Variants in SPOCK1 observed in about 807,000 individuals in gnomAD.
SPOCK1 encodes the protein SPARC (osteonectin), cwcv and kazal like domains proteoglycan 1, also known as testican-1.
SPOCK1 carries 23 observed loss-of-function variants against 55.3 expected under a neutral mutation model. The ratio of observed to expected loss-of-function variants is 0.42; its 90% CI spans 0.30 to 0.59. The LOEUF is 0.59. Among genes scored for constraint, SPOCK1 ranks in the 20% least tolerant of loss-of-function variants. The pLI, the probability that SPOCK1 is intolerant of heterozygous loss-of-function variation, is 0.22. For missense variants in SPOCK1, 499 were observed against 552.5 expected (o/e 0.90, Z 0.97); for synonymous variants, 226 against 221.0 (o/e 1.02, Z -0.20).
intron 2 of SPOCK1, among the ~76,000 whole-genome samples, chr5:137,295,271 C>T (rs1388886979): frequency 1.3e-5 from 2 of 152,234 alleles, no homozygotes; most frequent in African/African-American, 2.4e-5. Context: ...AGTCACAAAT[C>T]GACATGCCTT....
chr5:137,211,490 T>C (rs1402941892), intron 3 of SPOCK1, among the ~76,000 whole-genome samples: 1 of 152,174 alleles, frequency 6.6e-6, no homozygotes, highest in Non-Finnish European at 1.5e-5. Flanking sequence ...ATACAGAATG[T>C]TTTGTTCTAC....
intron 3 of SPOCK1, among the ~76,000 whole-genome samples, chr5:137,236,652 G>C (rs1756186978): frequency 6.6e-6 from 1 of 152,136 alleles, no homozygotes; most frequent in Non-Finnish European, 1.5e-5. Context: ...GTAGACTGGG[G>C]CTATGGTCAT....
At chr5:137,402,151 A>G (rs963284280) in intron 2 of SPOCK1, among the ~76,000 whole-genome samples, 1 of 152,198 alleles carries the variant, frequency 6.6e-6, no homozygotes, top group African/African-American at 2.4e-5. Context: ...TTACAAGTGC[A>G]AACCTGTCGT....
chr5:137,434,041 C>G (rs1330049323), intron 2 of SPOCK1, among the ~76,000 whole-genome samples: 1 of 152,306 alleles, frequency 6.6e-6, no homozygotes, highest in East Asian at 1.9e-4. Flanking sequence ...TTATAACACA[C>G]AAGAAATCAT....
At chr5:137,069,333 A>C (rs1376895830) in intron 5 of SPOCK1, among the ~76,000 whole-genome samples, 1 of 152,222 alleles carries the variant, frequency 6.6e-6, no homozygotes, top group African/African-American at 2.4e-5. Flanking sequence ...CTTGATACAA[A>C]ACTTCCTCTT....
intron 3 of SPOCK1, among the ~76,000 whole-genome samples, chr5:137,157,444 A>G (rs1400953661): frequency 6.6e-6 from 1 of 152,130 alleles, no homozygotes; most frequent in East Asian, 1.9e-4. Flanking sequence ...TCCCCCTCCT[A>G]CTAGGTTGGA....
rs546048860 is a variant in SPOCK1 at position 137,031,470 on chromosome 5, T to C, written c.589+36245A>G. 9.4e-4 allele frequency among the ~76,000 whole-genome samples: 143 copies of C among 152,382 alleles called. 3 individuals carry two copies. In the South Asian group the frequency reaches 0.029, roughly 31 times the overall value. Reference sequence around the variant, plus strand: ...CCTAGCAGCTACTATATGTTTGTAATTCTAATTCTTCCCAAAGAGTTTTAA... The same window carrying C: ...CCTAGCAGCTACTATATGTTTGTAACTCTAATTCTTCCCAAAGAGTTTTAA... On this transcript the variant is annotated intron_variant, in intron 6 of 10. Transcript: ENST00000394945.
chr5:137,128,422 T>C (rs1414502991), intron 4 of SPOCK1, among the ~76,000 whole-genome samples: 2 of 152,236 alleles, frequency 1.3e-5, no homozygotes, highest in Admixed American at 6.5e-5. Context: ...GCAAGGATTG[T>C]TCCCCCATCT....
chr5:137,219,376 T>C (rs1217346298), intron 3 of SPOCK1, among the ~76,000 whole-genome samples: 2 of 152,114 alleles, frequency 1.3e-5, no homozygotes, highest in African/African-American at 4.8e-5. Context: ...TCCCAACACT[T>C]AGCAGGTCCT....
intron 2 of SPOCK1, among the ~76,000 whole-genome samples, chr5:137,277,537 T>A (rs1757090212): frequency 6.6e-6 from 1 of 152,184 alleles, no homozygotes; most frequent in Non-Finnish European, 1.5e-5. Context: ...CTGCCTGCCC[T>A]GTGGAGATGC....
intron 2 of SPOCK1, among the ~76,000 whole-genome samples, chr5:137,489,783 C>G (rs1057329937): frequency 1.3e-5 from 2 of 152,254 alleles, no homozygotes; most frequent in African/African-American, 4.8e-5. Context: ...GGAAACACAT[C>G]AAGGTCTTTC....
intron 3 of SPOCK1, among the ~76,000 whole-genome samples, chr5:137,233,463 CA>C (rs986650540): frequency 6.6e-6 from 1 of 152,048 alleles, no homozygotes; most frequent in Non-Finnish European, 1.5e-5. Context: ...GGAGCTCAGG[CA>C]GTGATGCAAG....
chr5:136,980,508 T>C (rs1405180095), intron 9 of SPOCK1, among the ~76,000 whole-genome samples: 1 of 152,160 alleles, frequency 6.6e-6, no homozygotes, highest in East Asian at 1.9e-4. Flanking sequence ...CAGGAGGTAA[T>C]TGAATCATGG....
intron 6 of SPOCK1, among the ~76,000 whole-genome samples, chr5:137,028,240 G>C (rs1751713840): frequency 6.6e-6 from 1 of 152,116 alleles, no homozygotes; most frequent in African/African-American, 2.4e-5. Flanking sequence ...CATGCTCTCT[G>C]GCCACATGAA....
chr5:137,289,166 T>A (rs1757320471), intron 2 of SPOCK1, among the ~76,000 whole-genome samples: 1 of 152,252 alleles, frequency 6.6e-6, no homozygotes, highest in Non-Finnish European at 1.5e-5. Context: ...CAAAATGAGT[T>A]AATCCATGTA....
chr5:137,433,341 C>T (rs1208625520), intron 2 of SPOCK1, among the ~76,000 whole-genome samples: 1 of 21,320 alleles, frequency 4.7e-5, no homozygotes, highest in East Asian at 0.025. Context: ...AAGACAATAG[C>T]CAGTTCACTA....
At chr5:137,143,799 C>G (rs1754142187) in intron 3 of SPOCK1, among the ~76,000 whole-genome samples, 1 of 152,144 alleles carries the variant, frequency 6.6e-6, no homozygotes, top group Admixed American at 6.5e-5. Flanking sequence ...TTTTCATAGC[C>G]ACCAAAGGAG....
At chr5:137,391,134 G>A (rs571204282) in intron 2 of SPOCK1, among the ~76,000 whole-genome samples, 56 of 152,126 alleles carry the variant, frequency 3.7e-4, no homozygotes, top group Non-Finnish European at 7.5e-4. Flanking sequence ...TCCCACTTAT[G>A]AGCGAGAACA....
chr5:137,300,426 C>T (rs978872388), intron 2 of SPOCK1, among the ~76,000 whole-genome samples: 3 of 152,080 alleles, frequency 2.0e-5, no homozygotes, highest in African/African-American at 4.8e-5. Flanking sequence ...ACATGCCTAG[C>T]GATTTGTATT....
Sources: gnomAD v4.1 joint callset for allele counts (sites outside exome capture counted in the v4.1 genomes callset) on GRCh38, gnomAD v4.1.1 for gene constraint, MANE v1.5 for transcripts, NCBI Gene and HGNC (gene_info 2026-07-23, HGNC 2026-07-21) for gene names.